DOCK2: variants seen among roughly 807,000 people sequenced by gnomAD.
DOCK2 encodes dedicator of cytokinesis protein 2.
DOCK2 carries 87 observed loss-of-function variants against 248.9 expected under a neutral mutation model. The ratio of observed to expected loss-of-function variants is 0.35; its 90% confidence interval spans 0.29 to 0.42. The LOEUF is 0.42. Among genes scored for constraint, DOCK2 ranks in the 10% least tolerant of loss-of-function variants. The pLI, the probability that DOCK2 is intolerant of heterozygous loss-of-function variation, is 1.00. For synonymous variants in DOCK2, 805 were observed against 821.6 expected (o/e 0.98, Z 0.35); for missense variants, 1,747 against 2,300.2 (o/e 0.76, Z 4.92).
intron 26 of DOCK2, among the ~76,000 whole-genome samples, chr5:169,817,057 A>G (rs566503822): frequency 6.6e-6 from 1 of 152,222 alleles, no homozygotes; most frequent in Admixed American, 6.5e-5. Context: ...ACACTTTTAT[A>G]TTATCCATCC....
chr5:170,077,920 C>T, intron 48 of DOCK2, 83 bp downstream of exon 48: 1 of 1,161,708 alleles, frequency 8.6e-7, no homozygotes, highest in East Asian at 2.5e-5. Flanking sequence ...TCTCCGGCAA[C>T]ATCCCTTCTA....
intron 22 of DOCK2, among the ~76,000 whole-genome samples, chr5:169,738,864 G>C (rs759552733): frequency 6.0e-4 from 91 of 152,158 alleles, no homozygotes; most frequent in Non-Finnish European, 8.5e-4. Flanking sequence ...ACTCAGTCCT[G>C]TGACCGATAC....
At chr5:169,784,863 T>C (rs562270413) in intron 25 of DOCK2, among the ~76,000 whole-genome samples, 1 of 152,316 alleles carries the variant, frequency 6.6e-6, no homozygotes, top group Non-Finnish European at 1.5e-5. Context: ...AAATATTAAG[T>C]AAACAATAGT....
At chr5:169,906,254 C>T (rs4362955) in intron 27 of DOCK2, among the ~76,000 whole-genome samples, 1 of 152,094 alleles carries the variant, frequency 6.6e-6, no homozygotes, top group African/African-American at 2.4e-5. Flanking sequence ...CTAAGAGAGC[C>T]TCAGTTTCCT....
chr5:169,894,336 T>G (rs1180047277), intron 27 of DOCK2, among the ~76,000 whole-genome samples: 5 of 152,072 alleles, frequency 3.3e-5, no homozygotes. Context: ...CTCTTAGAGG[T>G]GCCTTGGGTG....
At chr5:169,682,166 T>C (rs905576321) in intron 7 of DOCK2, among the ~76,000 whole-genome samples, 33 of 152,202 alleles carry the variant, frequency 2.2e-4, no homozygotes, top group African/African-American at 6.8e-4. Context: ...AGTAAATAAA[T>C]AAGTGAAAAT....
At chr5:169,712,975 G>A (rs1456528558) in intron 17 of DOCK2, among the ~76,000 whole-genome samples, 2 of 152,268 alleles carry the variant, frequency 1.3e-5, no homozygotes, top group Admixed American at 1.3e-4. Context: ...GCCAGCACAT[G>A]GATCACACCC....
chr5:169,671,205 G>C, intron 5 of DOCK2, 31 bp downstream of exon 5: 1 of 1,585,682 alleles, frequency 6.3e-7, no homozygotes, highest in Non-Finnish European at 8.6e-7. Flanking sequence ...CCCTGAGTTG[G>C]AAGCTTCTTG....
At chr5:169,681,646 ACC>A in intron 6 of DOCK2, 96 bp from the exon 7 acceptor site, 1 of 1,431,974 alleles carries the variant, frequency 7.0e-7, no homozygotes, top group Non-Finnish European at 9.5e-7. Flanking sequence ...TGACTATATG[ACC>A]CCCAGAAATC....
chr5:170,080,430 C>T, intron 50 of DOCK2, 147 bp downstream of exon 50: 3 of 1,238,438 alleles, frequency 2.4e-6, no homozygotes, highest in African/African-American at 1.5e-5. Context: ...GCCACCCACC[C>T]TCTAATCTCT....
At chr5:169,779,136 AT>A (rs1305788901) in intron 25 of DOCK2, among the ~76,000 whole-genome samples, 1 of 152,180 alleles carries the variant, frequency 6.6e-6, no homozygotes, top group Non-Finnish European at 1.5e-5. Context: ...TAAAAAACAA[AT>A]ACAGTACAAA....
At position 170,019,138 on chromosome 5, in the gene DOCK2, G is replaced by C. The variant is rs1173691493; in HGVS notation, c.3381+30G>C. 5 of 1,613,460 alleles carry C rather than the reference G, an allele frequency of 3.1e-6. No homozygotes were observed. In the South Asian group the frequency reaches 4.4e-5, roughly 14 times the overall value. On this transcript the variant is annotated intron_variant, in intron 33 of 51. Transcript: ENST00000520908. Reference sequence around the variant, plus strand: ...AAAATGAGGCCGGAAACTCATGCCAGCATGCCTAATCCCCAGCCCATTTCC... The same window carrying C: ...AAAATGAGGCCGGAAACTCATGCCACCATGCCTAATCCCCAGCCCATTTCC...
In DOCK2 at chr5:170,055,375, C is replaced by T. The variant is rs76688275; in HGVS notation, c.4284C>T (p.Asp1428=). The T allele has an allele frequency of 4.1e-4, 665 of 1,613,950 alleles. No individual in the cohort carries two copies. The highest frequency in any genetic ancestry group is 5.3e-4 in the Non-Finnish European group (631 of 1,179,824). ...GGTTCAAGAATAAGCCAGTGCCTGACCAGATTATAAAGTAAGACTCGTTGT... is the reference window on the plus strand; with the variant it reads ...GGTTCAAGAATAAGCCAGTGCCTGATCAGATTATAAAGTAAGACTCGTTGT... ...HPRFKNKPVP[D]QIINFYKSNY... Residue 1428 remains aspartate (D), a synonymous_variant, in exon 42 of 52, where the codon GAC becomes GAT. Transcript: ENST00000520908.
At chr5:169,772,194 A>G (rs1290172541) in intron 25 of DOCK2, among the ~76,000 whole-genome samples, 1 of 152,200 alleles carries the variant, frequency 6.6e-6, no homozygotes, top group Non-Finnish European at 1.5e-5. Flanking sequence ...CTGAAGGATT[A>G]GGAAAAAGGA....
intron 26 of DOCK2, among the ~76,000 whole-genome samples, chr5:169,824,889 A>G (rs1406958365): frequency 6.6e-6 from 1 of 152,230 alleles, no homozygotes; most frequent in African/African-American, 2.4e-5. Flanking sequence ...CAAAGGGCTA[A>G]TATCTAGAAT....
At position 169,712,220 on chromosome 5, in the gene DOCK2, C is replaced by G; in HGVS notation, c.1656C>G (p.Leu552=). 6.2e-7 allele frequency: 1 copy of G among 1,613,920 alleles called. No homozygotes were observed. The highest frequency in any genetic ancestry group is 1.3e-5 in the African/African-American group (1 of 75,028). ...ATGGATTCCATGACTTAGTTGTCCT[C>G]AAGGTACCATGAGTTGGAAGGAGCT... ...LHDGFHDLVV[L]KGDSKKMEDA... is the part of the protein sequence containing the mutation. The change falls in exon 17 of 52, where the codon CTC becomes CTG. Residue 552 remains leucine (L), a synonymous_variant. Transcript: ENST00000520908.
At chr5:169,868,814 G>A (rs1771760721) in intron 27 of DOCK2, among the ~76,000 whole-genome samples, 1 of 152,154 alleles carries the variant, frequency 6.6e-6, no homozygotes, top group Non-Finnish European at 1.5e-5. Context: ...TATGGAACTT[G>A]CAGGCCTGGG....
chr5:169,819,685 C>T (rs1377679801), intron 26 of DOCK2, among the ~76,000 whole-genome samples: 2 of 152,220 alleles, frequency 1.3e-5, no homozygotes, highest in African/African-American at 4.8e-5. Flanking sequence ...CTACATCTCC[C>T]AGCGTGAGCG....
intron 25 of DOCK2, among the ~76,000 whole-genome samples, chr5:169,765,803 C>A (rs573423748): frequency 4.0e-5 from 6 of 151,722 alleles, no homozygotes; most frequent in Non-Finnish European, 8.8e-5. Flanking sequence ...GTTTTTTTCA[C>A]TGGGAACTTT....
Sources: gnomAD v4.1 joint callset for allele counts (sites outside exome capture counted in the v4.1 genomes callset) on GRCh38, gnomAD v4.1.1 for gene constraint, MANE v1.5 for transcripts, NCBI Gene and HGNC (gene_info 2026-07-23, HGNC 2026-07-21) for gene names.